The following GPR173 variants were observed in gnomAD, a reference collection of about 807,000 sequenced individuals.
The protein encoded by GPR173 is probable G protein-coupled receptor 173.
In GPR173, 2 loss-of-function variants were observed where a neutral mutation model predicts 13.9. That is an observed-to-expected ratio of 0.14 (90% CI 0.06 to 0.45). The LOEUF (loss-of-function observed/expected upper bound fraction) is 0.45. Ranked by LOEUF, GPR173 falls within the 20% of genes least tolerant of loss-of-function variation. The pLI is 0.98. For missense variants in GPR173, 202 were observed against 340.5 expected, an observed-to-expected ratio of 0.59 and a Z score of 3.20; for synonymous variants, 131 against 141.0, an observed-to-expected ratio of 0.93 and a Z score of 0.50.
chrX:53,062,603 T>G (rs1442124647), intron 1 of GPR173, among the ~76,000 whole-genome samples: 2 of 86,590 alleles, frequency 2.3e-5, no homozygotes, highest in Non-Finnish European at 4.3e-5. Flanking sequence ...TTTTTTGAGT[T>G]AAGGTCTCCC....
intron 1 of GPR173, among the ~76,000 whole-genome samples, chrX:53,067,653 G>A (rs921510943): frequency 5.3e-4 from 59 of 110,617 alleles, no homozygotes; most frequent in Non-Finnish European, 9.3e-4. Flanking sequence ...GTGAAACCCC[G>A]TCTCTACTAA....
chrX:53,049,687 G>T (rs927429207), intron 1 of GPR173, among the ~76,000 whole-genome samples: 1 of 111,850 alleles, frequency 8.9e-6, no homozygotes, highest in African/African-American at 3.3e-5. Flanking sequence ...AATCCCAAAT[G>T]TCCCATGAGA....
rs868991402 is a variant in GPR173, at chrX:53,074,659, G to T, written c.-97-1866G>T. Among the ~76,000 whole-genome samples the T allele has an allele frequency of 6.0e-3, 387 of 64,622 alleles. 2 individuals are homozygous for T. The highest frequency in any genetic ancestry group is 9.8e-3 in the African/African-American group (129 of 13,102). 56.1% of individuals were successfully genotyped at this position (64,622 alleles called of 115,157 possible). On this transcript the variant is annotated intron_variant, in intron 1 of 1. Coordinates refer to ENST00000332582, the MANE Select transcript of GPR173 (RefSeq NM_018969.6). ...TTATTTATAAATAACTATAAATATA[G>T]ATTTATATATATTTATTTATAAATA...
intron 1 of GPR173, among the ~76,000 whole-genome samples, chrX:53,055,219 A>T (rs1932016169): frequency 9.1e-6 from 1 of 110,044 alleles, no homozygotes; most frequent in Non-Finnish European, 1.9e-5. Context: ...AAGAGCATGT[A>T]TGTGTATCTG....
In GPR173 at chrX:53,076,539, G is replaced by A; in HGVS notation, c.-83G>A. The A allele has an allele frequency of 1.3e-6, 1 of 753,090 alleles. No homozygotes were observed. Among genetic ancestry groups the A allele is most frequent in the Non-Finnish European group, 1.9e-6 (1 of 520,764 alleles). 62.1% of individuals were successfully genotyped at this position (753,090 alleles called of 1,213,427 possible). On this transcript the variant is annotated 5_prime_UTR_variant, in exon 2 of 2. Transcript: ENST00000332582. ...CCCATTTGCAGGTGCAATGTAGCAG[G>A]ACAACTCATGGAGCCCCCCCGGGCC...
At chrX:53,069,387 G>C (rs945301808) in intron 1 of GPR173, among the ~76,000 whole-genome samples, 1 of 111,777 alleles carries the variant, frequency 8.9e-6, no homozygotes, top group Non-Finnish European at 1.9e-5. Context: ...ATACTATCTG[G>C]AATGTTTCAA....
At chrX:53,051,710 G>A (rs1364396954) in intron 1 of GPR173, among the ~76,000 whole-genome samples, 2 of 111,445 alleles carry the variant, frequency 1.8e-5, no homozygotes, top group African/African-American at 6.5e-5. Context: ...GTATATGTGT[G>A]TGGCATCAGT....
At chrX:53,073,886 T>TAA in intron 1 of GPR173, among the ~76,000 whole-genome samples, 1 of 33,550 alleles carries the variant, frequency 3.0e-5, no homozygotes, top group Non-Finnish European at 5.0e-5. Context: ...ATTATATATA[T>TAA]ATTTATATTT....
At position 53,077,998 on chromosome X, in the gene GPR173, TTCTCTC is replaced by T; in HGVS notation, c.*269_*274del. 6.7e-6 allele frequency: 2 copies of T among 298,508 alleles called. No individual in the cohort carries two copies. Among genetic ancestry groups the T allele is most frequent in the Non-Finnish European group, 1.2e-5 (2 of 169,147 alleles). 24.6% of individuals were successfully genotyped at this position (298,508 alleles called of 1,213,427 possible). On this transcript the variant is annotated 3_prime_UTR_variant, in exon 2 of 2. Coordinates refer to ENST00000332582, the MANE Select transcript of GPR173 (RefSeq NM_018969.6). ...CTCCTTCTCCACTTCTACAATCTCA[TTCTCTC>T]TCTCTCTCTCTCTGTCTCTCTCTCT...
Position 53,079,647 on chromosome X carries a change from G to T in GPR173, c.*1904G>T. The T allele has an allele frequency of 8.1e-6, 1 of 124,107 alleles. No individual in the cohort carries two copies. 10.2% of individuals were successfully genotyped at this position (124,107 alleles called of 1,213,427 possible). ...TGCCCTGTCTGACCACATGTGGAGAGACATGATTGAGTGATAGTGTGTGTC... is the reference window on the plus strand; with the variant it reads ...TGCCCTGTCTGACCACATGTGGAGATACATGATTGAGTGATAGTGTGTGTC... On this transcript the variant is annotated 3_prime_UTR_variant, in exon 2 of 2. Transcript: ENST00000332582.
rs1023787165 is a variant in GPR173, at chrX:53,055,393, T to C, written c.-98+5909T>C. Among the ~76,000 whole-genome samples, 7 of 109,767 alleles carry C rather than the reference T, an allele frequency of 6.4e-5. No individual in the cohort carries two copies. In the Admixed American group the frequency reaches 6.8e-4, roughly 11 times the overall value. On this transcript the variant is annotated intron_variant, in intron 1 of 1. Transcript: ENST00000332582. Reference sequence around the variant, plus strand: ...TTTGAATGTGGGTGTATCTGGATGGTAGGTGAGTGAGAGCACGGATATATT... The same window carrying C: ...TTTGAATGTGGGTGTATCTGGATGGCAGGTGAGTGAGAGCACGGATATATT...
intron 1 of GPR173, among the ~76,000 whole-genome samples, chrX:53,073,958 T>TATATAA (rs1932323488): frequency 3.6e-4 from 10 of 27,983 alleles, no homozygotes; most frequent in Middle Eastern, 0.043. Flanking sequence ...TGTATATTTA[T>TATATAA]ATATAAATAT....
chrX:53,050,034 C>T (rs782292037), intron 1 of GPR173, among the ~76,000 whole-genome samples: 10 of 109,131 alleles, frequency 9.2e-5, no homozygotes, highest in Non-Finnish European at 1.9e-4. Flanking sequence ...CAGCCCAGAC[C>T]ATCCCCCACT....
intron 1 of GPR173, among the ~76,000 whole-genome samples, chrX:53,049,944 G>A (rs1931932875): frequency 9.6e-6 from 1 of 104,070 alleles, no homozygotes; most frequent in Non-Finnish European, 1.9e-5. Context: ...GGGTGTGTGT[G>A]TGTGTGTGTG....
intron 1 of GPR173, among the ~76,000 whole-genome samples, chrX:53,052,960 A>C (rs2146671259): frequency 9.0e-6 from 1 of 111,348 alleles, no homozygotes; most frequent in South Asian, 3.7e-4. Flanking sequence ...ATGTGTGTGA[A>C]TATACCTTTG....
At position 53,050,408 on chromosome X, in the gene GPR173, C is replaced by T. The variant is rs781984523; in HGVS notation, c.-98+924C>T. ...ATCTTGTGGCCTTGTGCCCAGTAGC[C>T]GGAGGTCCATATATCTGGAAGGGCA... is the stretch of plus-strand genomic sequence containing the variant. On this transcript the variant is annotated intron_variant, in intron 1 of 1. Transcript: ENST00000332582. Among the ~76,000 whole-genome samples, 297 of 112,108 alleles carry T rather than the reference C, an allele frequency of 2.6e-3. 1 individual carries two copies. The highest frequency in any genetic ancestry group is 4.8e-3 in the Non-Finnish European group (253 of 53,154).
intron 1 of GPR173, among the ~76,000 whole-genome samples, chrX:53,058,840 ATATG>A (rs781805102): frequency 9.1e-5 from 10 of 110,173 alleles, no homozygotes; most frequent in African/African-American, 3.0e-4. Context: ...AGTTTGGTTC[ATATG>A]TATGTATGTA....
chrX:53,073,774 A>T (rs7473421), intron 1 of GPR173, among the ~76,000 whole-genome samples: 22,035 of 80,616 alleles, frequency 0.27, 3,185 homozygotes, highest in African/African-American at 0.49. Flanking sequence ...TATATATATA[A>T]AATTATATAT....
At chrX:53,057,429 A>AG (rs1286351785) in intron 1 of GPR173, among the ~76,000 whole-genome samples, 3 of 103,198 alleles carry the variant, frequency 2.9e-5, no homozygotes, top group African/African-American at 1.1e-4. Context: ...AAAAAAAAAA[A>AG]AAAGAAAGAA....
Sources: allele counts gnomAD v4.1 joint callset (sites outside exome capture counted in the v4.1 genomes callset), GRCh38; gene constraint gnomAD v4.1.1; transcripts MANE v1.5; gene names NCBI Gene and HGNC (gene_info 2026-07-23, HGNC 2026-07-21).